RPS6KA2: variants seen among roughly 807,000 people sequenced by gnomAD.
RPS6KA2 encodes ribosomal protein S6 kinase alpha-2.
A neutral mutation model predicts 91.8 loss-of-function variants in RPS6KA2; 42 were observed. The ratio of observed to expected loss-of-function variants is 0.46; its 90% confidence interval spans 0.36 to 0.59. RPS6KA2 has a LOEUF of 0.59. Among genes scored for constraint, RPS6KA2 ranks in the 20% least tolerant of loss-of-function variants. The pLI, the probability that RPS6KA2 is intolerant of heterozygous loss-of-function variation, is 0.00. For synonymous variants in RPS6KA2, 414 were observed against 393.6 expected (o/e 1.05, Z -0.61); for missense variants, 798 against 978.5 (o/e 0.82, Z 2.46).
At chr6:166,801,155 A>T (rs999752019) in intron 2 of RPS6KA2, among the ~76,000 whole-genome samples, 11 of 152,200 alleles carry the variant, frequency 7.2e-5, no homozygotes, top group Non-Finnish European at 1.6e-4. Context: ...GTCTACTTTT[A>T]TAAAAATTTA....
intron 1 of RPS6KA2, among the ~76,000 whole-genome samples, chr6:166,546,370 A>T (rs189397429): frequency 1.8e-4 from 28 of 152,324 alleles, no homozygotes; most frequent in African/African-American, 6.5e-4. Flanking sequence ...TATTTAGCAC[A>T]ACTTTAAAAT....
chr6:166,782,514 G>T (rs1052415650), intron 2 of RPS6KA2, among the ~76,000 whole-genome samples: 2 of 152,252 alleles, frequency 1.3e-5, no homozygotes, highest in African/African-American at 4.8e-5. Flanking sequence ...TCTCAGGACC[G>T]ATCAGAAGCC....
At chr6:166,642,715 A>T (rs1162022573) in intron 2 of RPS6KA2, among the ~76,000 whole-genome samples, 1 of 152,188 alleles carries the variant, frequency 6.6e-6, no homozygotes, top group African/African-American at 2.4e-5. Flanking sequence ...AAATGATAGT[A>T]AGAAAGCAGG....
chr6:166,660,662 T>A (rs1302038634), intron 2 of RPS6KA2, among the ~76,000 whole-genome samples: 4 of 152,196 alleles, frequency 2.6e-5, no homozygotes, highest in Non-Finnish European at 4.4e-5. Context: ...TCATTTGGGT[T>A]ACATGAGAGT....
At chr6:166,593,942 A>C (rs1302627472) in intron 1 of RPS6KA2, among the ~76,000 whole-genome samples, 1 of 152,230 alleles carries the variant, frequency 6.6e-6, no homozygotes, top group East Asian at 1.9e-4. Context: ...AAATGCACAG[A>C]ACTATTCTGT....
chr6:166,606,378 G>A (rs1463850182), intron 1 of RPS6KA2, among the ~76,000 whole-genome samples: 1 of 152,192 alleles, frequency 6.6e-6, no homozygotes, highest in Non-Finnish European at 1.5e-5. Context: ...ACCTGGCATG[G>A]TGAATTTAAT....
At chr6:166,792,327 AC>A (rs1779110905) in intron 2 of RPS6KA2, among the ~76,000 whole-genome samples, 1 of 152,226 alleles carries the variant, frequency 6.6e-6, no homozygotes, top group East Asian at 1.9e-4. Flanking sequence ...CCCTGAATAG[AC>A]CAATAACAGG....
Position 166,692,908 on chromosome 6 carries a change from T to C in RPS6KA2, c.124-154124A>G, listed in dbSNP as rs559872321. On this transcript the variant is annotated intron_variant, in intron 2 of 21. Transcript: ENST00000503859. ...GCCACACTGTCTTTCTCTTCAAGCA[T>C]GGAGCATCTCACTCCTCCACATTTC... Among the ~76,000 whole-genome samples, 442 of 152,282 alleles carry C rather than the reference T, an allele frequency of 2.9e-3. 1 individual carries two copies. The highest frequency in any genetic ancestry group is 4.6e-3 in the Non-Finnish European group (313 of 68,014).
At chr6:166,619,092 T>C (rs1324266268) in intron 1 of RPS6KA2, among the ~76,000 whole-genome samples, 1 of 152,208 alleles carries the variant, frequency 6.6e-6, no homozygotes, top group Non-Finnish European at 1.5e-5. Flanking sequence ...TGGGCTCCCA[T>C]CGATGCCATC....
intron 1 of RPS6KA2, chr6:166,542,354 A>C (rs1211601027): frequency 6.6e-6 from 1 of 152,192 alleles, no homozygotes; most frequent in Non-Finnish European, 1.5e-5. Flanking sequence ...CTTGATGAGG[A>C]TTTGCATGCA....
intron 11 of RPS6KA2, among the ~76,000 whole-genome samples, chr6:166,467,545 G>A (rs1780590125): frequency 6.6e-6 from 1 of 152,208 alleles, no homozygotes; most frequent in African/African-American, 2.4e-5. Context: ...CAGACTGGAA[G>A]GAGGAGACCA....
intron 14 of RPS6KA2, among the ~76,000 whole-genome samples, chr6:166,447,803 A>T (rs146707895): frequency 0.013 from 2,023 of 152,302 alleles, 21 homozygotes; most frequent in Non-Finnish European, 0.022. Context: ...TGTGCTACAG[A>T]CGTGTCTGGG....
In RPS6KA2 at chr6:166,566,951, A is replaced by T. The variant is rs142264344; in HGVS notation, c.100-28167T>A. Among the ~76,000 whole-genome samples the T allele has an allele frequency of 4.3e-3, 662 of 152,370 alleles. 5 individuals are homozygous for T. The highest frequency in any genetic ancestry group is 0.015 in the African/African-American group (629 of 41,596). On this transcript the variant is annotated intron_variant, in intron 1 of 20. Coordinates refer to ENST00000265678, the MANE Select transcript of RPS6KA2 (RefSeq NM_021135.6). Reference sequence around the variant, plus strand: ...TTTTCCCTCGGACACAGTGACTTCCATAAACCCTACATTACATCGTCGCAG... The same window carrying T: ...TTTTCCCTCGGACACAGTGACTTCCTTAAACCCTACATTACATCGTCGCAG...
Position 166,733,812 on chromosome 6 carries a change from T to C in RPS6KA2, c.123+124388A>G, listed in dbSNP as rs1000977832. Among the ~76,000 whole-genome samples, 8 of 152,170 alleles carry C rather than the reference T, an allele frequency of 5.3e-5. No individual in the cohort carries two copies. Among genetic ancestry groups the C allele is most frequent in the Non-Finnish European group, 1.2e-4 (8 of 68,028 alleles). On this transcript the variant is annotated intron_variant, in intron 2 of 21. Transcript: ENST00000503859. The surrounding 1 kb of genome is among the most constrained non-coding windows in gnomAD (Gnocchi z 4.1). ...GGAAGAGAGAAGTAAAAGGAAGGTTTCTGCGTTTTTCTGTTTATAAAGCGG... is the reference window on the plus strand; with the variant it reads ...GGAAGAGAGAAGTAAAAGGAAGGTTCCTGCGTTTTTCTGTTTATAAAGCGG...
intron 2 of RPS6KA2, among the ~76,000 whole-genome samples, chr6:166,715,981 T>C (rs898183440): frequency 4.5e-5 from 6 of 134,334 alleles, no homozygotes; most frequent in African/African-American, 1.7e-4. Flanking sequence ...GAGGTTGCAG[T>C]GAGCCGAGAC....
chr6:166,656,575 C>A (rs1788008672), intron 2 of RPS6KA2, among the ~76,000 whole-genome samples: 1 of 152,264 alleles, frequency 6.6e-6, no homozygotes, highest in Middle Eastern at 3.2e-3. Flanking sequence ...CGTGACTCTG[C>A]CTCCGCCTCC....
Position 166,498,665 on chromosome 6 carries a change from AG to A in RPS6KA2, c.605-16del. The A allele has an allele frequency of 6.2e-7, 1 of 1,613,442 alleles. No individual in the cohort carries two copies. The highest frequency in any genetic ancestry group is 8.5e-7 in the Non-Finnish European group (1 of 1,179,934). On this transcript the variant is annotated splice_polypyrimidine_tract_variant and intron_variant, in intron 7 of 20. Coordinates refer to ENST00000265678, the MANE Select transcript of RPS6KA2 (RefSeq NM_021135.6). The stretch of plus-strand genomic sequence containing the variant: ...CAGGCCGAAATCTACATGCAAACAC[AG>A]CACACACACTGCCTCAGTCTCTGGG...
intron 1 of RPS6KA2, among the ~76,000 whole-genome samples, chr6:166,584,043 A>G (rs1282905653): frequency 6.6e-6 from 1 of 152,238 alleles, no homozygotes; most frequent in African/African-American, 2.4e-5. Flanking sequence ...TAAATTTAAA[A>G]TGCCTTGGTG....
At position 166,423,447 on chromosome 6, in the gene RPS6KA2, G is replaced by A. The variant is rs1257113657; in HGVS notation, c.1582-30C>T. ...AAGACAGAAGGCACAGTGCCTACTT[G>A]GGGGCTGAGGACTGAGCAGGAGAGG... On this transcript the variant is annotated intron_variant, in intron 16 of 20. Transcript: ENST00000265678. The surrounding 1 kb of genome is among the most constrained non-coding windows in gnomAD (Gnocchi z 4.8). The A allele has an allele frequency of 1.3e-6, 2 of 1,590,086 alleles. No individual in the cohort carries two copies. Among genetic ancestry groups the A allele is most frequent in the Admixed American group, 1.7e-5 (1 of 59,152 alleles).
Sources: allele counts gnomAD v4.1 joint callset (sites outside exome capture counted in the v4.1 genomes callset), GRCh38; gene constraint gnomAD v4.1.1; non-coding constraint Gnocchi (gnomAD v3.1); transcripts MANE v1.5; gene names NCBI Gene and HGNC (gene_info 2026-07-23, HGNC 2026-07-21).